OPRK1: variants seen among roughly 807,000 people sequenced by gnomAD.
The protein encoded by OPRK1 is opioid receptor kappa 1.
In OPRK1, 15 loss-of-function variants were observed where a neutral mutation model predicts 24.5. The ratio of observed to expected loss-of-function variants is 0.61; its 90% CI spans 0.41 to 0.94. The LOEUF (loss-of-function observed/expected upper bound fraction) is 0.94. OPRK1 is among the 40% of genes least tolerant of loss of function. The pLI, the probability that OPRK1 is intolerant of heterozygous loss-of-function variation, is 0.00. For synonymous variants in OPRK1, 205 were observed against 198.0 expected (o/e 1.04, Z -0.30); for missense variants, 479 against 507.3 (o/e 0.94, Z 0.54).
intron 3 of OPRK1, among the ~76,000 whole-genome samples, chr8:53,232,921 G>C (rs1054011229): frequency 6.6e-6 from 1 of 152,184 alleles, no homozygotes; most frequent in Non-Finnish European, 1.5e-5. Flanking sequence ...GAAAATATTA[G>C]AGTCAACATT....
At chr8:53,234,694 C>A in intron 3 of OPRK1, 65 bp downstream of exon 3, 1 of 1,412,418 alleles carries the variant, frequency 7.1e-7, no homozygotes, top group South Asian at 1.3e-5. Flanking sequence ...TACTCACGCT[C>A]AAATTAAAAG....
At chr8:53,238,485 G>A (rs982440476) in intron 2 of OPRK1, 13 of 950,650 alleles carry the variant, frequency 1.4e-5, no homozygotes, top group African/African-American at 1.8e-5. Context: ...CATGGAATGG[G>A]AAGCAAGGGG....
intron 3 of OPRK1, among the ~76,000 whole-genome samples, chr8:53,230,412 C>T (rs1009575129): frequency 4.6e-5 from 7 of 152,066 alleles, no homozygotes; most frequent in African/African-American, 1.7e-4. Context: ...GAACCAATGA[C>T]ACTCATTGTG....
chr8:53,237,709 A>C (rs1029009653), intron 2 of OPRK1, among the ~76,000 whole-genome samples: 3 of 152,178 alleles, frequency 2.0e-5, no homozygotes, highest in Admixed American at 1.3e-4. Context: ...CCATTCTTAC[A>C]TCTCCCCAGC....
At chr8:53,245,929 C>G (rs1443178761) in intron 2 of OPRK1, among the ~76,000 whole-genome samples, 1 of 152,180 alleles carries the variant, frequency 6.6e-6, no homozygotes, top group Non-Finnish European at 1.5e-5. Context: ...GCCTGGAGAG[C>G]AGCAGCTTGT....
intron 2 of OPRK1, among the ~76,000 whole-genome samples, chr8:53,245,050 T>C (rs1003380500): frequency 1.2e-4 from 18 of 152,244 alleles, no homozygotes; most frequent in African/African-American, 4.3e-4. Context: ...AAAGGTTATG[T>C]AAATAGTTGT....
intron 1 of OPRK1, 51 bp downstream of exon 1, chr8:53,251,397 T>A (rs1807395778): frequency 3.1e-6 from 1 of 322,110 alleles, no homozygotes; most frequent in Non-Finnish European, 5.7e-6. Context: ...CCTTCCCACC[T>A]CCCAGCACGG....
At chr8:53,243,171 G>A (rs753796137) in intron 2 of OPRK1, among the ~76,000 whole-genome samples, 9 of 152,156 alleles carry the variant, frequency 5.9e-5, no homozygotes, top group Non-Finnish European at 1.2e-4. Flanking sequence ...ACCTTCAAAA[G>A]GCAACTGTCC....
Position 53,235,732 on chromosome 8 carries a change from G to C in OPRK1, c.258-621C>G, listed in dbSNP as rs555713280. Among the ~76,000 whole-genome samples the C allele has an allele frequency of 9.9e-5, 15 of 152,210 alleles. No individual in the cohort carries two copies. In the South Asian group the frequency reaches 2.5e-3, roughly 25 times the overall value. ...CTGCTCTTACACATCATAGCACTAA[G>C]CATAGTATGGTACAGCAGAAAAGAA... On this transcript the variant is annotated intron_variant, in intron 2 of 3. Transcript: ENST00000265572.
chr8:53,243,494 T>A (rs556247451), intron 2 of OPRK1, among the ~76,000 whole-genome samples: 2 of 152,224 alleles, frequency 1.3e-5, no homozygotes, highest in Non-Finnish European at 1.5e-5. Context: ...CTATACCTGA[T>A]CACCCAATTG....
intron 2 of OPRK1, among the ~76,000 whole-genome samples, chr8:53,239,550 C>A (rs1585634261): frequency 6.6e-6 from 1 of 152,180 alleles, no homozygotes; most frequent in East Asian, 1.9e-4. Context: ...CCACAGAGGG[C>A]CCTGAACACC....
At chr8:53,239,142 T>C (rs922711610) in intron 2 of OPRK1, among the ~76,000 whole-genome samples, 2 of 152,206 alleles carry the variant, frequency 1.3e-5, no homozygotes, top group African/African-American at 4.8e-5. Context: ...TGGTGACGCA[T>C]GCACCCTCTC....
intron 2 of OPRK1, among the ~76,000 whole-genome samples, chr8:53,249,213 T>A (rs1351144758): frequency 6.6e-6 from 1 of 152,188 alleles, no homozygotes; most frequent in Non-Finnish European, 1.5e-5. Flanking sequence ...CTAAATATGA[T>A]ATGGGTAGAA....
chr8:53,232,391 T>C (rs1484416218), intron 3 of OPRK1, among the ~76,000 whole-genome samples: 1 of 152,124 alleles, frequency 6.6e-6, no homozygotes, highest in Non-Finnish European at 1.5e-5. Context: ...AAGAGTGAAA[T>C]TGGAATGTTC....
intron 2 of OPRK1, among the ~76,000 whole-genome samples, chr8:53,237,505 C>T (rs1282232389): frequency 6.6e-6 from 1 of 152,174 alleles, no homozygotes; most frequent in East Asian, 1.9e-4. Flanking sequence ...GAAGTGCCTG[C>T]GTCAGGACCT....
chr8:53,238,542 C>T (rs895344855), intron 2 of OPRK1: 9 of 985,192 alleles, frequency 9.1e-6, no homozygotes, highest in African/African-American at 8.8e-5. Context: ...TTGTGAGCAC[C>T]GGGAAGGCTA....
chr8:53,232,259 G>A (rs1330464466), intron 3 of OPRK1, among the ~76,000 whole-genome samples: 2 of 151,994 alleles, frequency 1.3e-5, no homozygotes, highest in Non-Finnish European at 2.9e-5. Flanking sequence ...TTGTGGGGAG[G>A]GGGATATACA....
At position 53,225,925 on chromosome 8, in the gene OPRK1, A is replaced by T. The variant is rs1806670692; in HGVS notation, c.*3372T>A. ...TTTTGGATGTGATTTTCGTATTTATACTGAATCATCCGAACAGCTCTTGGT... is the reference window on the plus strand; with the variant it reads ...TTTTGGATGTGATTTTCGTATTTATTCTGAATCATCCGAACAGCTCTTGGT... On this transcript the variant is annotated 3_prime_UTR_variant, in exon 4 of 4. Coordinates refer to ENST00000265572, the MANE Select transcript of OPRK1 (RefSeq NM_000912.5). The T allele has an allele frequency of 6.6e-6, 1 of 152,354 alleles. No individual in the cohort carries two copies. Among genetic ancestry groups the T allele is most frequent in the Admixed American group, 6.5e-5 (1 of 15,282 alleles). 9.4% of individuals were successfully genotyped at this position (152,354 alleles called of 1,614,324 possible). A position where few individuals can be genotyped will look rare whatever the true frequency, so the allele number is the denominator to read the frequency against.
At chr8:53,241,439 G>A (rs371795045) in intron 2 of OPRK1, among the ~76,000 whole-genome samples, 2 of 151,958 alleles carry the variant, frequency 1.3e-5, no homozygotes, top group East Asian at 1.9e-4. Flanking sequence ...AGAGGCAGGA[G>A]GATGGCTTGA....
Sources: allele counts gnomAD v4.1 joint callset (sites outside exome capture counted in the v4.1 genomes callset), GRCh38; gene constraint gnomAD v4.1.1; transcripts MANE v1.5; gene names NCBI Gene and HGNC (gene_info 2026-07-23, HGNC 2026-07-21).